TRMU: variants seen among roughly 807,000 people sequenced by gnomAD.
TRMU encodes mitochondrial tRNA-specific 2-thiouridylase 1.
TRMU carries 49 observed loss-of-function variants against 46.9 expected under a neutral mutation model. That is an observed-to-expected ratio of 1.05 (90% CI 0.83 to 1.33). The LOEUF is 1.33. Ranked by LOEUF, TRMU falls within the 40% of genes most tolerant of loss-of-function variation. The pLI is 0.00. For missense variants in TRMU, 572 were observed against 532.4 expected (o/e 1.07, Z -0.73); for synonymous variants, 241 against 200.9 (o/e 1.20, Z -1.69).
chr22:46,353,627 G>T, intron 7 of TRMU, 140 bp from the exon 8 acceptor site: 1 of 753,584 alleles, frequency 1.3e-6, no homozygotes, highest in Non-Finnish European at 2.3e-6. Flanking sequence ...TTGGTGGTTG[G>T]AGAATCGTAT....
intron 7 of TRMU, chr22:46,353,549 C>G (rs1385508633): frequency 2.0e-6 from 1 of 488,376 alleles, no homozygotes; most frequent in Non-Finnish European, 3.9e-6. Context: ...TTGTGGCCAC[C>G]ACACCCCATG....
chr22:46,341,100 C>A (rs1180203239), intron 2 of TRMU, among the ~76,000 whole-genome samples: 1 of 152,256 alleles, frequency 6.6e-6, no homozygotes. Context: ...CTGTCTCCCT[C>A]CCGAGGCACA....
Position 46,335,849 on chromosome 22 carries a change from G to A in TRMU, c.82+3G>A, listed in dbSNP as rs374095722. On this transcript the variant is annotated splice_donor_region_variant and intron_variant, in intron 1 of 10. Transcript: ENST00000645190. The stretch of plus-strand genomic sequence containing the variant: ...CGCGCTGCTGCTGAGGCGGAGAGGT[G>A]AGGCGTCCGAGGCTCCCGCCCCCCG... The A allele has an allele frequency of 3.9e-6, 6 of 1,541,202 alleles. No individual in the cohort carries two copies. The African/African-American group carries it at 6.9e-5, about 18-fold the overall frequency.
In TRMU at chr22:46,351,016, G is replaced by A. The variant is rs938359907; in HGVS notation, c.651+553G>A. Among the ~76,000 whole-genome samples, 4 of 152,232 alleles carry A rather than the reference G, an allele frequency of 2.6e-5. No individual in the cohort carries two copies. Among genetic ancestry groups the A allele is most frequent in the Admixed American group, 6.5e-5 (1 of 15,282 alleles). On this transcript the variant is annotated intron_variant, in intron 5 of 10. Transcript: ENST00000645190. This position sits in a 1 kb window ranked among gnomAD's most constrained non-coding sequence, Gnocchi z 6.4. ...GCCAATCAGTGTAAACCTAGAAAAT[G>A]TCTACGGAGGGAGGTGTAGGACCCT...
Position 46,335,792 on chromosome 22 carries a change from G to T in TRMU, c.28G>T (p.Ala10Ser), listed in dbSNP as rs11090865. MQALRHVVC[A>S]LSGGVDSAVA... ...GCAGGCCTTGCGGCACGTCGTGTGC[G>T]CCCTGTCCGGCGGCGTGGACAGCGC... Residue 10 changes from alanine (A) to serine (S), a missense_variant, in exon 1 of 11, where the codon GCC (alanine) becomes TCC (serine). Coordinates refer to ENST00000645190, the MANE Select transcript of TRMU (RefSeq NM_018006.5). The T allele has an allele frequency of 0.1, 161,835 of 1,560,954 alleles. 9,396 individuals are homozygous for T. Among genetic ancestry groups the T allele is most frequent in the African/African-American group, 0.22 (16,295 of 73,752 alleles).
chr22:46,344,287 C>T (rs1304641359), intron 3 of TRMU, among the ~76,000 whole-genome samples: 1 of 152,146 alleles, frequency 6.6e-6, no homozygotes, highest in African/African-American at 2.4e-5. Context: ...CGGAGCTCAC[C>T]TTGATGATCA....
chr22:46,336,153 C>T lies in TRMU; in HGVS notation c.82+307C>T, dbSNP rs1004213709. 35 of 1,287,936 alleles carry T rather than the reference C, an allele frequency of 2.7e-5. No individual in the cohort carries two copies. The highest frequency in any genetic ancestry group is 3.6e-5 in the Admixed American group (1 of 27,448). The allele number at this position is 1,287,936 out of a possible 1,614,324, so 79.8% of individuals were successfully genotyped here. A position where few individuals can be genotyped will look rare whatever the true frequency, so the allele number is the denominator to read the frequency against. On this transcript the variant is annotated intron_variant, in intron 1 of 10. Coordinates refer to ENST00000645190, the MANE Select transcript of TRMU (RefSeq NM_018006.5). This position sits in a 1 kb window ranked among gnomAD's most constrained non-coding sequence, Gnocchi z 4.1. ...GTGGGGTGGGGAGGGAAGGGTTTCT[C>T]ACGGATCTGCGGCGTCCACATTCAC...
chr22:46,355,232 C>T, intron 8 of TRMU: 1 of 700,336 alleles, frequency 1.4e-6, no homozygotes, highest in Non-Finnish European at 2.4e-6. Context: ...TACTTCCTTC[C>T]TGGGCCTTAG....
In TRMU at chr22:46,357,264, C is replaced by T; in HGVS notation, c.*258C>T. The T allele has an allele frequency of 1.7e-6, 1 of 580,522 alleles. No individual in the cohort carries two copies. 36.0% of individuals were successfully genotyped at this position (580,522 alleles called of 1,614,324 possible). On this transcript the variant is annotated 3_prime_UTR_variant, in exon 11 of 11. Transcript: ENST00000645190. The stretch of plus-strand genomic sequence containing the variant: ...CCTTCACCGCCCCCAGGGAGGGTTT[C>T]CCACCTCAGAGTACACCGAGGGGAC...
chr22:46,357,065 G>T lies in TRMU; in HGVS notation c.*59G>T. The T allele has an allele frequency of 6.2e-7, 1 of 1,605,612 alleles. No homozygotes were observed. Among genetic ancestry groups the T allele is most frequent in the South Asian group, 1.1e-5 (1 of 90,484 alleles). On this transcript the variant is annotated 3_prime_UTR_variant, in exon 11 of 11. Coordinates refer to ENST00000645190, the MANE Select transcript of TRMU (RefSeq NM_018006.5). ...CAGGACCCATGGCTGGGCGGCTGGT[G>T]AGCAGTCCAGGTGCCCAAGGGCCAG...
At position 46,347,957 on chromosome 22, in the gene TRMU, C is replaced by T. The variant is rs1374324312; in HGVS notation, c.478+1413C>T. Among the ~76,000 whole-genome samples, 1 of 152,200 alleles carries T rather than the reference C, an allele frequency of 6.6e-6. No homozygotes were observed. The highest frequency in any genetic ancestry group is 6.5e-5 in the Admixed American group (1 of 15,276). ...CGTCTGCCGCCCTCTGTTCCCTCCTCGCCTTCCTTCCTTATGCCACAGGGT... is the reference window on the plus strand; with the variant it reads ...CGTCTGCCGCCCTCTGTTCCCTCCTTGCCTTCCTTCCTTATGCCACAGGGT... On this transcript the variant is annotated intron_variant, in intron 4 of 10. Coordinates refer to ENST00000645190, the MANE Select transcript of TRMU (RefSeq NM_018006.5). The surrounding 1 kb of genome is among the most constrained non-coding windows in gnomAD (Gnocchi z 5.0).
chr22:46,340,619 A>C (rs1169182244), intron 2 of TRMU, among the ~76,000 whole-genome samples: 2 of 132,624 alleles, frequency 1.5e-5, no homozygotes, highest in African/African-American at 3.1e-5. Context: ...AGCTGGGATT[A>C]AACCCCAGAA....
Position 46,349,289 on chromosome 22 carries a change from C to T in TRMU, c.479-1002C>T, listed in dbSNP as rs1364943126. 2.0e-5 allele frequency among the ~76,000 whole-genome samples: 3 copies of T among 152,174 alleles called. No individual in the cohort carries two copies. Among genetic ancestry groups the T allele is most frequent in the Admixed American group, 1.3e-4 (2 of 15,284 alleles). ...GAGGCTGGGCAGCCTCCAGCCCCACCGCCTCCACCTGCATCACTTTGGGCG... is the reference window on the plus strand; with the variant it reads ...GAGGCTGGGCAGCCTCCAGCCCCACTGCCTCCACCTGCATCACTTTGGGCG... On this transcript the variant is annotated intron_variant, in intron 4 of 10. Coordinates refer to ENST00000645190, the MANE Select transcript of TRMU (RefSeq NM_018006.5). The surrounding 1 kb of genome is among the most constrained non-coding windows in gnomAD (Gnocchi z 4.6).
chr22:46,340,204 G>C (rs2078085227), intron 2 of TRMU, among the ~76,000 whole-genome samples: 1 of 152,184 alleles, frequency 6.6e-6, no homozygotes, highest in Non-Finnish European at 1.5e-5. Context: ...CTGGTGGTGT[G>C]GGGGGTTGTC....
chr22:46,356,820 T>G, intron 10 of TRMU, 22 bp from the exon 11 acceptor site: 1 of 1,612,208 alleles, frequency 6.2e-7, no homozygotes, highest in Non-Finnish European at 8.5e-7. Context: ...GCACCCCTGA[T>G]GCCAGGGTCT....
At chr22:46,356,730 C>G in intron 10 of TRMU, 112 bp from the exon 11 acceptor site, 1 of 1,320,198 alleles carries the variant, frequency 7.6e-7, no homozygotes, top group South Asian at 1.3e-5. Flanking sequence ...CCTGGGAGCT[C>G]AGTGCCTGGT....
chr22:46,340,897 T>C (rs556526242), intron 2 of TRMU, among the ~76,000 whole-genome samples: 13 of 152,364 alleles, frequency 8.5e-5, no homozygotes, highest in Admixed American at 4.6e-4. Context: ...AGGTCGCCCC[T>C]GGCTCCAGCC....
chr22:46,338,002 AAGGATCC>A lies in TRMU; in HGVS notation c.248+59_248+65del. Reference sequence around the variant, plus strand: ...CTCACACTGTGGATCCTTGCAGTGGAAGGATCCGGTAACCAGCCAGACCGACGCCTGT... The same window carrying A: ...CTCACACTGTGGATCCTTGCAGTGGAGGTAACCAGCCAGACCGACGCCTGT... On this transcript the variant is annotated intron_variant, in intron 2 of 10. Coordinates refer to ENST00000645190, the MANE Select transcript of TRMU (RefSeq NM_018006.5). The surrounding 1 kb of genome is among the most constrained non-coding windows in gnomAD (Gnocchi z 4.5). 6.2e-7 allele frequency: 1 copy of A among 1,609,584 alleles called. No homozygotes were observed.
intron 8 of TRMU, chr22:46,354,771 G>C (rs2147109082): frequency 6.5e-6 from 1 of 153,758 alleles, no homozygotes; most frequent in South Asian, 2.1e-4. Flanking sequence ...GACGGGTCTT[G>C]GTGCCTGCTT....
Sources: gnomAD v4.1 joint callset for allele counts (sites outside exome capture counted in the v4.1 genomes callset) on GRCh38, gnomAD v4.1.1 for gene constraint, Gnocchi (gnomAD v3.1) non-coding constraint, MANE v1.5 for transcripts, NCBI Gene and HGNC (gene_info 2026-07-23, HGNC 2026-07-21) for gene names.